C12orf56: variants seen among roughly 807,000 people sequenced by gnomAD.
The protein encoded by C12orf56 is chromosome 12 open reading frame 56, also known as uncharacterized protein C12orf56.
A neutral mutation model predicts 69.9 loss-of-function variants in C12orf56; 71 were observed. That is an observed-to-expected ratio of 1.02 (90% CI 0.84 to 1.24). The LOEUF (loss-of-function observed/expected upper bound fraction) is 1.24, where lower values mean the gene tolerates loss of function less well. C12orf56 is among the 50% of genes most tolerant of loss of function. The pLI, the probability that C12orf56 is intolerant of heterozygous loss-of-function variation, is 0.00. For synonymous variants in C12orf56, 276 were observed against 274.1 expected, an observed-to-expected ratio of 1.01 and a Z score of -0.07; for missense variants, 732 against 738.5, an observed-to-expected ratio of 0.99 and a Z score of 0.10.
chr12:64,298,975 T>A (rs2136794889), intron 6 of C12orf56, among the ~76,000 whole-genome samples: 1 of 152,256 alleles, frequency 6.6e-6, no homozygotes, highest in African/African-American at 2.4e-5. Flanking sequence ...CTTTGGGCAG[T>A]TATGGCCATT....
At chr12:64,363,766 T>G (rs765343451) in intron 1 of C12orf56, among the ~76,000 whole-genome samples, 30 of 152,144 alleles carry the variant, frequency 2.0e-4, no homozygotes, top group Non-Finnish European at 4.0e-4. Context: ...GATGCGGTCG[T>G]CCTTTTGGAT....
chr12:64,329,636 A>C, intron 3 of C12orf56, among the ~76,000 whole-genome samples: 1 of 145,096 alleles, frequency 6.9e-6, no homozygotes, highest in East Asian at 2.1e-4. Context: ...CTAACTCGTC[A>C]TCTAGCATTA....
intron 12 of C12orf56, among the ~76,000 whole-genome samples, chr12:64,269,139 C>CAAA (rs5798737): frequency 0.19 from 27,633 of 141,870 alleles, 3,264 homozygotes; most frequent in Admixed American, 0.25. Flanking sequence ...GACCCTGTGT[C>CAAA]AAAAAAAAAA....
intron 5 of C12orf56, among the ~76,000 whole-genome samples, chr12:64,311,901 G>C (rs2038621498): frequency 6.6e-6 from 1 of 152,152 alleles, no homozygotes; most frequent in Admixed American, 6.6e-5. Flanking sequence ...AGAGAGACCA[G>C]CTAGGAAAAC....
At chr12:64,385,463 T>A (rs919479506) in intron 1 of C12orf56, among the ~76,000 whole-genome samples, 1 of 152,230 alleles carries the variant, frequency 6.6e-6, no homozygotes, top group African/African-American at 2.4e-5. Context: ...GAACTAGAGT[T>A]AATCTGGCCT....
At chr12:64,352,112 T>TG (rs1370646937) in intron 2 of C12orf56, among the ~76,000 whole-genome samples, 48 of 114,726 alleles carry the variant, frequency 4.2e-4, no homozygotes, top group Admixed American at 5.3e-4. Flanking sequence ...TTTTTTTTTT[T>TG]TTTGTTTTTT....
rs1485909058 is a variant in C12orf56, at chr12:64,338,829, C to T, written c.416-7797G>A. ...AAGCTAGGCCGGTGAGCAGCAGGCT[C>T]GAGTTTAGGTTTGAAGGGTGAGGTG... On this transcript the variant is annotated intron_variant, in intron 2 of 12. Transcript: ENST00000543942. The T allele has an allele frequency of 5.3e-6, 5 of 948,992 alleles. No homozygotes were observed. The Admixed American group carries it at 5.8e-5, about 11-fold the overall frequency. The allele number at this position is 948,992 out of a possible 1,614,324, so 58.8% of individuals were successfully genotyped here.
chr12:64,269,962 A>T (rs1257216497), intron 12 of C12orf56, among the ~76,000 whole-genome samples: 1 of 152,156 alleles, frequency 6.6e-6, no homozygotes, highest in Non-Finnish European at 1.5e-5. Flanking sequence ...TACAATAAAG[A>T]CAATGAGTGA....
intron 7 of C12orf56, among the ~76,000 whole-genome samples, chr12:64,285,070 G>T (rs1343195470): frequency 6.6e-6 from 1 of 151,952 alleles, no homozygotes; most frequent in Non-Finnish European, 1.5e-5. Context: ...GGGCAGCATG[G>T]CAAAACCCCA....
chr12:64,273,184 A>G (rs989443674), intron 11 of C12orf56, among the ~76,000 whole-genome samples: 1 of 152,028 alleles, frequency 6.6e-6, no homozygotes, highest in Non-Finnish European at 1.5e-5. Context: ...AATCCCAGCT[A>G]CTTGGGAGGC....
At chr12:64,330,731 G>T (rs1056937234) in intron 3 of C12orf56, among the ~76,000 whole-genome samples, 6 of 152,030 alleles carry the variant, frequency 3.9e-5, no homozygotes, top group African/African-American at 1.4e-4. Flanking sequence ...TCTATATTGT[G>T]ACATCTATAT....
At chr12:64,328,458 A>G (rs1359810204) in intron 3 of C12orf56, among the ~76,000 whole-genome samples, 2 of 151,798 alleles carry the variant, frequency 1.3e-5, no homozygotes, top group Non-Finnish European at 2.9e-5. Flanking sequence ...AGGCAGACAA[A>G]TCATGAGGTC....
chr12:64,381,555 T>A (rs2039719781), intron 1 of C12orf56, among the ~76,000 whole-genome samples: 1 of 152,228 alleles, frequency 6.6e-6, no homozygotes, highest in South Asian at 2.1e-4. Flanking sequence ...AAAAGTTAGT[T>A]CAGCCTATGC....
At chr12:64,336,897 C>T (rs933046776) in intron 2 of C12orf56, among the ~76,000 whole-genome samples, 4 of 152,218 alleles carry the variant, frequency 2.6e-5, no homozygotes, top group African/African-American at 9.6e-5. Context: ...AGTCAGCCAC[C>T]CCAGCTGTGT....
intron 6 of C12orf56, among the ~76,000 whole-genome samples, chr12:64,300,758 A>T (rs2038433123): frequency 6.6e-6 from 1 of 152,168 alleles, no homozygotes; most frequent in Admixed American, 6.5e-5. Flanking sequence ...GCTCACTCTT[A>T]TGTAGAGATC....
intron 1 of C12orf56, among the ~76,000 whole-genome samples, chr12:64,387,077 C>CAACAAA (rs1201123599): frequency 7.1e-5 from 3 of 42,106 alleles, no homozygotes; most frequent in African/African-American, 3.3e-4. Context: ...GACTCTATCT[C>CAACAAA]AAAAAAAAAA....
At chr12:64,310,468 G>A (rs2038592328) in intron 5 of C12orf56, among the ~76,000 whole-genome samples, 2 of 152,146 alleles carry the variant, frequency 1.3e-5, no homozygotes, top group Admixed American at 1.3e-4. Flanking sequence ...ATCATCTAGG[G>A]CTACTTGGTT....
intron 4 of C12orf56, among the ~76,000 whole-genome samples, chr12:64,315,334 T>C (rs1181646711): frequency 6.6e-6 from 1 of 151,672 alleles, no homozygotes; most frequent in African/African-American, 2.4e-5. Flanking sequence ...AAAGCAGCCT[T>C]TCTTCCCTCT....
intron 6 of C12orf56, 104 bp downstream of exon 6, chr12:64,303,531 G>T: frequency 2.1e-6 from 2 of 938,698 alleles, no homozygotes; most frequent in Non-Finnish European, 3.1e-6. Context: ...TAAAAATACA[G>T]CATCAGAATA....
Sources: gnomAD v4.1 joint callset for allele counts (sites outside exome capture counted in the v4.1 genomes callset) on GRCh38, gnomAD v4.1.1 for gene constraint, MANE v1.5 for transcripts, NCBI Gene and HGNC (gene_info 2026-07-23, HGNC 2026-07-21) for gene names.